Variants in METTL8 observed in about 807,000 individuals in gnomAD.
METTL8 encodes the protein tRNA N(3)-cytidine methyltransferase METTL8, mitochondrial.
A neutral mutation model predicts 48.7 loss-of-function variants in METTL8; 32 were observed. The ratio of observed to expected loss-of-function variants is 0.66; its 90% confidence interval spans 0.50 to 0.88. The LOEUF (loss-of-function observed/expected upper bound fraction) is 0.88. METTL8 is among the 40% of genes least tolerant of loss of function. The pLI is 0.00. For missense variants in METTL8, 464 were observed against 474.4 expected (o/e 0.98, Z 0.20); for synonymous variants, 136 against 157.1 (o/e 0.87, Z 1.01).
rs1687402201 is a variant in METTL8 at position 171,380,447 on chromosome 2, G to A, written c.143+11596C>T. On this transcript the variant is annotated intron_variant, in intron 2 of 9. Coordinates refer to ENST00000375258, the MANE Select transcript of METTL8 (RefSeq NM_001321154.2). ...TAAAGTGTATTCAAATAGGAAGAGA[G>A]GAAGCCAAATTGTCTCTGTTTGCAG... 3.9e-5 allele frequency among the ~76,000 whole-genome samples: 6 copies of A among 152,292 alleles called. No individual in the cohort carries two copies. In the South Asian group the frequency reaches 1.2e-3, roughly 32 times the overall value.
Position 171,315,902 on chromosome 2 carries a change from C to A in METTL8, c.*8270G>T, listed in dbSNP as rs956645948. Among the ~76,000 whole-genome samples, 9 of 152,196 alleles carry A rather than the reference C, an allele frequency of 5.9e-5. No homozygotes were observed. The highest frequency in any genetic ancestry group is 1.3e-4 in the Non-Finnish European group (9 of 68,040). On this transcript the variant is annotated 3_prime_UTR_variant, in exon 10 of 10. Transcript: ENST00000375258. ...CTTGGGAACCTAGAAAGTGAGGTAA[C>A]CCAAGCCAAATTCCTCTGGTGTCAC... is the stretch of plus-strand genomic sequence containing the variant.
At chr2:171,357,783 C>T (rs1684745931) in intron 3 of METTL8, among the ~76,000 whole-genome samples, 1 of 152,000 alleles carries the variant, frequency 6.6e-6, no homozygotes, top group African/African-American at 2.4e-5. Flanking sequence ...CAGCCTCAAA[C>T]TCCCGGGTTC....
chr2:171,410,354 T>G (rs918164291), intron 1 of METTL8, among the ~76,000 whole-genome samples: 1 of 152,200 alleles, frequency 6.6e-6, no homozygotes, highest in Non-Finnish European at 1.5e-5. Context: ...CCCAAATAGC[T>G]GAAACATTGC....
At chr2:171,397,352 TAAAAAAAAAAAAA>T (rs71013039) in intron 1 of METTL8, among the ~76,000 whole-genome samples, 1 of 11,692 alleles carries the variant, frequency 8.6e-5, no homozygotes, top group Non-Finnish European at 1.6e-4. Context: ...ACCCTGTCTC[TAAAAAAAAAAAAA>T]AAAAAAAAAA....
Position 171,343,277 on chromosome 2 carries a change from T to C in METTL8, c.236-3723A>G, listed in dbSNP as rs534099735. 6.3e-3 allele frequency among the ~76,000 whole-genome samples: 964 copies of C among 152,070 alleles called. 6 individuals carry two copies. The highest frequency in any genetic ancestry group is 0.061 in the Middle Eastern group (18 of 294). On this transcript the variant is annotated intron_variant, in intron 3 of 9. Transcript: ENST00000375258. ...CAACATGGAGAAACCCCATCTCTAC[T>C]AAAACTACAAAATTAGCCGGGTGTG...
intron 1 of METTL8, among the ~76,000 whole-genome samples, chr2:171,400,056 T>G (rs1235905802): frequency 6.6e-6 from 1 of 152,080 alleles, no homozygotes; most frequent in Non-Finnish European, 1.5e-5. Flanking sequence ...TTTAAAAAAG[T>G]TAAATATTTA....
At chr2:171,371,439 C>T (rs1472046857) in intron 2 of METTL8, among the ~76,000 whole-genome samples, 1 of 152,190 alleles carries the variant, frequency 6.6e-6, no homozygotes, top group East Asian at 1.9e-4. Flanking sequence ...TCACTGCAAC[C>T]TCCGCCTCCC....
intron 1 of METTL8, among the ~76,000 whole-genome samples, chr2:171,415,387 C>G (rs1691210690): frequency 7.7e-6 from 1 of 129,834 alleles, no homozygotes; most frequent in Non-Finnish European, 1.6e-5. Flanking sequence ...GAGTCTCACT[C>G]TGTTGCCCAG....
chr2:171,385,554 T>C (rs1687964786), intron 2 of METTL8, among the ~76,000 whole-genome samples: 1 of 152,218 alleles, frequency 6.6e-6, no homozygotes, highest in Non-Finnish European at 1.5e-5. Context: ...ACCTTCCTCT[T>C]CCCTGGGTGA....
rs760042743 is a variant in METTL8 at position 171,360,467 on chromosome 2, T to A, written c.190A>T (p.Lys64Ter). The change falls in exon 3 of 10, where the codon AAA becomes TAA. Residue 64 changes from lysine to a stop codon, truncating the protein, a stop_gained. Transcript: ENST00000375258. LOFTEE classifies it high-confidence loss of function. ...CGCACAGCTGAGTTTTCTTTTACTT[T>A]TTTTCTGGCTGCTGCTTCTTCTTCC... ...SKEEEAAARKKVKENSAVRVL... is the reference protein window; with the variant it reads ...SKEEEAAARK 3.9e-5 allele frequency: 63 copies of A among 1,613,848 alleles called. No individual in the cohort carries two copies. The highest frequency in any genetic ancestry group is 5.2e-5 in the Non-Finnish European group (61 of 1,179,982).
At chr2:171,429,349 G>A (rs1692745544) in intron 1 of METTL8, among the ~76,000 whole-genome samples, 1 of 152,172 alleles carries the variant, frequency 6.6e-6, no homozygotes, top group African/African-American at 2.4e-5. Flanking sequence ...ATGACATACT[G>A]AACAAATGAA....
intron 3 of METTL8, among the ~76,000 whole-genome samples, chr2:171,358,740 T>C (rs1236680922): frequency 2.6e-5 from 4 of 152,178 alleles, no homozygotes; most frequent in African/African-American, 4.8e-5. Context: ...CTCCAGGACA[T>C]TGGAGCATTT....
chr2:171,355,082 C>T (rs1366329689), intron 3 of METTL8, among the ~76,000 whole-genome samples: 4 of 152,206 alleles, frequency 2.6e-5, no homozygotes, highest in South Asian at 4.1e-4. Context: ...GCTCTGGTTT[C>T]TTCCCATCTT....
At chr2:171,381,780 C>CTTTT (rs35185395) in intron 2 of METTL8, among the ~76,000 whole-genome samples, 1 of 125,680 alleles carries the variant, frequency 8.0e-6, no homozygotes, top group Non-Finnish European at 1.7e-5. Flanking sequence ...ATTAGGAACA[C>CTTTT]TTTTTTTTTT....
At chr2:171,382,517 A>AC (rs1687652679) in intron 2 of METTL8, among the ~76,000 whole-genome samples, 1 of 152,138 alleles carries the variant, frequency 6.6e-6, no homozygotes, top group African/African-American at 2.4e-5. Flanking sequence ...GAACACATGG[A>AC]CACAGGCAGG....
At chr2:171,375,810 A>C (rs1041906083) in intron 2 of METTL8, among the ~76,000 whole-genome samples, 5 of 152,222 alleles carry the variant, frequency 3.3e-5, no homozygotes, top group African/African-American at 4.8e-5. Context: ...AAAAGATAAA[A>C]CATATTAAAT....
intron 2 of METTL8, among the ~76,000 whole-genome samples, chr2:171,382,728 A>G (rs1687679541): frequency 6.6e-6 from 1 of 152,188 alleles, no homozygotes; most frequent in Admixed American, 6.5e-5. Flanking sequence ...AAATTTAAAA[A>G]AAAAGAAAGA....
intron 3 of METTL8, among the ~76,000 whole-genome samples, chr2:171,359,718 T>C (rs1476346970): frequency 6.6e-6 from 1 of 152,018 alleles, no homozygotes; most frequent in Non-Finnish European, 1.5e-5. Context: ...GTTCAAGCGA[T>C]TCTCCTGCCT....
intron 2 of METTL8, among the ~76,000 whole-genome samples, chr2:171,368,054 T>C (rs1007896674): frequency 7.2e-5 from 11 of 152,244 alleles, no homozygotes; most frequent in African/African-American, 1.7e-4. Context: ...AATGTGTTAA[T>C]TGTCATATTC....
Sources: gnomAD v4.1 joint callset for allele counts (sites outside exome capture counted in the v4.1 genomes callset) on GRCh38, gnomAD v4.1.1 for gene constraint, MANE v1.5 for transcripts, NCBI Gene and HGNC (gene_info 2026-07-23, HGNC 2026-07-21) for gene names.